NAV3: variants seen among roughly 807,000 people sequenced by gnomAD.
NAV3 encodes the protein neuron navigator 3.
In NAV3, 87 loss-of-function variants were observed where a neutral mutation model predicts 244.7. The ratio of observed to expected loss-of-function variants is 0.36; its 90% CI spans 0.30 to 0.42. The LOEUF is 0.42. Among genes scored for constraint, NAV3 ranks in the 20% least tolerant of loss-of-function variants. The pLI, the probability that NAV3 is intolerant of heterozygous loss-of-function variation, is 1.00. For missense variants in NAV3, 2,663 were observed against 2,893.3 expected (o/e 0.92, Z 1.83); for synonymous variants, 1,126 against 1,042.2 (o/e 1.08, Z -1.55).
At chr12:78,164,778 G>A (rs1474074969) in intron 23 of NAV3, among the ~76,000 whole-genome samples, 1 of 152,002 alleles carries the variant, frequency 6.6e-6, no homozygotes, top group Non-Finnish European at 1.5e-5. Context: ...GGAAGTGTGA[G>A]ATTAACTTAG....
chr12:77,771,144 C>G (rs1177868489), intron 2 of NAV3, among the ~76,000 whole-genome samples: 1 of 152,128 alleles, frequency 6.6e-6, no homozygotes, highest in African/African-American at 2.4e-5. Context: ...ATTTATGCAG[C>G]CAAAAAACAC....
At chr12:77,701,491 T>G (rs1875560319) in intron 2 of NAV3, among the ~76,000 whole-genome samples, 1 of 151,936 alleles carries the variant, frequency 6.6e-6, no homozygotes, top group Non-Finnish European at 1.5e-5. Flanking sequence ...AAACAACTTT[T>G]GACTGTTGTT....
chr12:78,199,416 A>G lies in NAV3; in HGVS notation c.6600A>G (p.Glu2200=), dbSNP rs1959388293. ...TTCGAAGAAAACTCATAGAGATAGA[A>G]ATTGAAAGGAACATTCGCAATAATG... The part of the protein sequence containing the change: ...RYLRRKLIEI[E]IERNIRNNDL... The change falls in exon 37 of 40, where the codon GAA becomes GAG. Residue 2200 remains glutamate (E), a synonymous_variant. Transcript: ENST00000397909. 6.2e-7 allele frequency: 1 copy of G among 1,611,492 alleles called. No homozygotes were observed. Among genetic ancestry groups the G allele is most frequent in the African/African-American group, 1.3e-5 (1 of 74,762 alleles).
chr12:77,982,704 A>G (rs1490838180), intron 5 of NAV3, among the ~76,000 whole-genome samples: 2 of 152,218 alleles, frequency 1.3e-5, no homozygotes, highest in African/African-American at 4.8e-5. Flanking sequence ...GACGAGGCAT[A>G]AAGAGAATGG....
At chr12:77,955,988 G>T (rs184474202) in intron 3 of NAV3, among the ~76,000 whole-genome samples, 10 of 152,270 alleles carry the variant, frequency 6.6e-5, no homozygotes, top group African/African-American at 2.4e-4. Context: ...TCCCTTGCCT[G>T]TAAAACTATA....
chr12:77,758,259 A>G (rs912975931), intron 2 of NAV3, among the ~76,000 whole-genome samples: 1 of 152,118 alleles, frequency 6.6e-6, no homozygotes, highest in Non-Finnish European at 1.5e-5. Flanking sequence ...ATCACCTGAC[A>G]CGCATATTTG....
chr12:78,092,318 C>T (rs1384240624), intron 12 of NAV3, among the ~76,000 whole-genome samples: 2 of 151,376 alleles, frequency 1.3e-5, no homozygotes, highest in Non-Finnish European at 2.9e-5. Flanking sequence ...ACAGAAAGGA[C>T]GTTGGAGGGG....
chr12:77,751,529 TTTAC>T (rs1868854123), intron 2 of NAV3, among the ~76,000 whole-genome samples: 1 of 152,148 alleles, frequency 6.6e-6, no homozygotes, highest in African/African-American at 2.4e-5. Context: ...TTTTCCCCCT[TTTAC>T]TCACTCACTT....
chr12:77,812,688 A>G (rs1457293743), intron 2 of NAV3, among the ~76,000 whole-genome samples: 2 of 152,102 alleles, frequency 1.3e-5, no homozygotes, highest in East Asian at 1.9e-4. Context: ...CTGGCCTCCC[A>G]AAGTGCTAGG....
At chr12:78,018,799 A>G (rs1876659095) in intron 8 of NAV3, among the ~76,000 whole-genome samples, 1 of 152,152 alleles carries the variant, frequency 6.6e-6, no homozygotes. Flanking sequence ...TTCTTCAGCA[A>G]GTAATAAAAA....
intron 38 of NAV3, among the ~76,000 whole-genome samples, chr12:78,203,004 T>A (rs1959887614): frequency 6.6e-5 from 10 of 152,026 alleles, no homozygotes; most frequent in Admixed American, 6.6e-4. Context: ...TGAAGGCGGA[T>A]TTTTTTGGTG....
intron 1 of NAV3, among the ~76,000 whole-genome samples, chr12:77,866,142 C>T (rs756914679): frequency 3.9e-5 from 6 of 152,088 alleles, no homozygotes; most frequent in Non-Finnish European, 7.4e-5. Flanking sequence ...CAATCTACAA[C>T]AGAAAAATAA....
rs10628612 is a variant in NAV3, at chr12:78,160,378, A to AGT, written c.4869+1112_4869+1113dup. 7.4e-3 allele frequency among the ~76,000 whole-genome samples: 996 copies of AGT among 134,054 alleles called. 7 individuals carry two copies. The highest frequency in any genetic ancestry group is 0.023 in the Middle Eastern group (6 of 262). The allele number at this position is 134,054 out of a possible 152,430, so 87.9% of individuals were successfully genotyped here. On this transcript the variant is annotated intron_variant, in intron 23 of 39. Coordinates refer to ENST00000397909, the MANE Select transcript of NAV3 (RefSeq NM_001024383.2). ...AGGTGAAACCTATAGAATTCTATGG[A>AGT]GTGTGTGTGTGTGTGTGTGTGCGTG...
In NAV3 at chr12:78,187,836, C is replaced by A. The variant is rs952465303; in HGVS notation, c.5791-412C>A. On this transcript the variant is annotated intron_variant, in intron 31 of 39. Transcript: ENST00000397909. ...AATAGTAAGATAAAGTTCTAGAATTCATATAATATGGTTCTGTTCTGTCTC... is the reference window on the plus strand; with the variant it reads ...AATAGTAAGATAAAGTTCTAGAATTAATATAATATGGTTCTGTTCTGTCTC... Among the ~76,000 whole-genome samples the A allele has an allele frequency of 4.6e-5, 7 of 151,842 alleles. No homozygotes were observed. In the Admixed American group the frequency reaches 4.6e-4, roughly 10 times the overall value.
At chr12:77,761,595 C>A (rs1177359539) in intron 2 of NAV3, among the ~76,000 whole-genome samples, 1 of 152,072 alleles carries the variant, frequency 6.6e-6, no homozygotes, top group African/African-American at 2.4e-5. Flanking sequence ...AAACAAACAA[C>A]CCCATCAAAA....
chr12:77,874,772 T>C (rs1407179922), intron 1 of NAV3, among the ~76,000 whole-genome samples: 4 of 152,152 alleles, frequency 2.6e-5, no homozygotes, highest in Admixed American at 2.6e-4. Context: ...ATCTTTCAAA[T>C]GAGGTTAATA....
At chr12:78,018,303 T>A (rs990225818) in intron 8 of NAV3, among the ~76,000 whole-genome samples, 8 of 152,306 alleles carry the variant, frequency 5.3e-5, no homozygotes, top group South Asian at 2.1e-4. Flanking sequence ...TACATTTTTT[T>A]AAAAAGCATG....
chr12:78,103,300 A>G (rs1488399003), intron 12 of NAV3, among the ~76,000 whole-genome samples: 2 of 152,166 alleles, frequency 1.3e-5, no homozygotes, highest in East Asian at 3.9e-4. Context: ...AAACATAACA[A>G]GAGTCGCCTT....
chr12:77,916,418 A>G (rs914467449), intron 1 of NAV3, among the ~76,000 whole-genome samples: 1 of 151,982 alleles, frequency 6.6e-6, no homozygotes, highest in Admixed American at 6.6e-5. Flanking sequence ...AGGAACAGAA[A>G]CAAAGAGGAA....
Sources: allele counts gnomAD v4.1 joint callset (sites outside exome capture counted in the v4.1 genomes callset), GRCh38; gene constraint gnomAD v4.1.1; transcripts MANE v1.5; gene names NCBI Gene and HGNC (gene_info 2026-07-23, HGNC 2026-07-21).